Variants in ARSF observed in about 807,000 individuals in gnomAD.
ARSF encodes the protein arylsulfatase F.
ARSF carries 33 observed loss-of-function variants against 35.4 expected under a neutral mutation model. The observed-to-expected ratio is 0.93, with a 90% CI of 0.71 to 1.25. ARSF has a LOEUF of 1.25. Among genes scored for constraint, ARSF ranks in the 50% most tolerant of loss-of-function variants. ARSF has a pLI of 0.00. For missense variants in ARSF, 501 were observed against 480.2 expected, an observed-to-expected ratio of 1.04 and a Z score of -0.40; for synonymous variants, 222 against 193.1, an observed-to-expected ratio of 1.15 and a Z score of -1.24.
intron 7 of ARSF, among the ~76,000 whole-genome samples, chrX:3,094,756 C>G (rs924079295): frequency 3.6e-5 from 4 of 109,991 alleles, no homozygotes; most frequent in Non-Finnish European, 7.6e-5. Context: ...CAACCCTGGA[C>G]AGGGCAGAAC....
chrX:3,093,184 A>G (rs1387242281), intron 7 of ARSF, among the ~76,000 whole-genome samples: 1 of 112,275 alleles, frequency 8.9e-6, no homozygotes, highest in Non-Finnish European at 1.9e-5. Context: ...AAAAATTATC[A>G]TGGGTTTCCC....
intron 6 of ARSF, among the ~76,000 whole-genome samples, chrX:3,086,187 C>T (rs1267861215): frequency 1.8e-5 from 2 of 111,673 alleles, no homozygotes; most frequent in Non-Finnish European, 3.8e-5. Context: ...CAAATTAGCA[C>T]CAACCACTCT....
intron 1 of ARSF, among the ~76,000 whole-genome samples, chrX:3,049,881 A>G (rs911053504): frequency 3.8e-4 from 42 of 110,359 alleles, no homozygotes; most frequent in African/African-American, 9.2e-4. Context: ...TTTTTTTGAG[A>G]TGGAGTTTCG....
At chrX:3,094,044 A>G (rs754232236) in intron 7 of ARSF, among the ~76,000 whole-genome samples, 7 of 112,168 alleles carry the variant, frequency 6.2e-5, no homozygotes, top group Non-Finnish European at 1.1e-4. Flanking sequence ...CACCAACCTA[A>G]TAGTAGCCTT....
chrX:3,076,715 A>C, intron 4 of ARSF, 46 bp downstream of exon 4: 2 of 1,184,655 alleles, frequency 1.7e-6, no homozygotes, highest in Non-Finnish European at 2.3e-6. Flanking sequence ...TCATGTTAGG[A>C]TGTGAGGAAA....
At position 3,076,592 on chromosome X, in the gene ARSF, C is replaced by T. The variant is rs763477035; in HGVS notation, c.206C>T (p.Thr69Ile). The change falls in exon 4 of 11, where the codon ACT becomes ATT. Residue 69 changes from threonine (T) to isoleucine (I), a missense_variant. By Grantham distance (89) the Thr-to-Ile change is moderately conservative (BLOSUM62 -1). Transcript: ENST00000381127. The stretch of plus-strand genomic sequence containing the variant: ...CTTGCCAGGGAAGGCGTGCGACTGA[C>T]TCAGCACATCTCTGCCGCCTCCCTC... ...DRLAREGVRL[T>I]QHISAASLCS... The T allele has an allele frequency of 8.3e-7, 1 of 1,210,521 alleles. No individual in the cohort carries two copies. The highest frequency in any genetic ancestry group is 2.2e-5 in the Admixed American group (1 of 45,910).
chrX:3,099,386 T>C (rs1199216523), intron 7 of ARSF, among the ~76,000 whole-genome samples: 1 of 111,751 alleles, frequency 8.9e-6, no homozygotes, highest in Non-Finnish European at 1.9e-5. Flanking sequence ...TGGATTTTCT[T>C]GTTGTATCTG....
chrX:3,106,796 A>G (rs1409120464), intron 9 of ARSF, among the ~76,000 whole-genome samples: 1 of 112,025 alleles, frequency 8.9e-6, no homozygotes, highest in East Asian at 2.8e-4. Flanking sequence ...ATTAATGTGT[A>G]GAAACACGGG....
chrX:3,105,886 G>A (rs1435303321), intron 9 of ARSF, among the ~76,000 whole-genome samples: 1 of 112,284 alleles, frequency 8.9e-6, no homozygotes, highest in Non-Finnish European at 1.9e-5. Flanking sequence ...GAAGTCTGTC[G>A]TTCCACATAG....
chrX:3,104,834 T>A (rs1449860776), intron 9 of ARSF, among the ~76,000 whole-genome samples: 2 of 111,955 alleles, frequency 1.8e-5, no homozygotes, highest in Non-Finnish European at 3.8e-5. Flanking sequence ...ACATGGTAGG[T>A]AAAACTCACT....
intron 7 of ARSF, among the ~76,000 whole-genome samples, chrX:3,094,247 G>C (rs1222470604): frequency 2.7e-5 from 3 of 111,713 alleles, no homozygotes; most frequent in East Asian, 5.7e-4. Context: ...GATAAGCCAG[G>C]GTTGGGCTCC....
At position 3,101,334 on chromosome X, in the gene ARSF, T is replaced by C; in HGVS notation, c.1102+113T>C. On this transcript the variant is annotated intron_variant, in intron 8 of 10. Transcript: ENST00000381127. ...AGGCCTGAAAAACTGAACAAGTTTGTTTAATTTGACTCTTAGTAAAATGAA... is the reference window on the plus strand; with the variant it reads ...AGGCCTGAAAAACTGAACAAGTTTGCTTAATTTGACTCTTAGTAAAATGAA... The C allele has an allele frequency of 2.2e-6, 2 of 900,939 alleles. 1 individual carries two copies. The highest frequency in any genetic ancestry group is 3.0e-6 in the Non-Finnish European group (2 of 660,344). 74.2% of individuals were successfully genotyped at this position (900,939 alleles called of 1,213,427 possible).
chrX:3,084,763 TC>T, intron 6 of ARSF, 97 bp downstream of exon 6: 1 of 837,552 alleles, frequency 1.2e-6, no homozygotes, highest in Non-Finnish European at 1.6e-6. Flanking sequence ...TTTATAATAA[TC>T]TATTGTACAC....
At chrX:3,108,909 A>T (rs1223574686) in intron 9 of ARSF, among the ~76,000 whole-genome samples, 1 of 111,010 alleles carries the variant, frequency 9.0e-6, no homozygotes, top group Non-Finnish European at 1.9e-5. Flanking sequence ...GCAGCTACTC[A>T]GGAGGCTGAG....
At chrX:3,049,052 T>G (rs1319918579) in intron 1 of ARSF, among the ~76,000 whole-genome samples, 1 of 112,299 alleles carries the variant, frequency 8.9e-6, no homozygotes, top group Admixed American at 9.5e-5. Flanking sequence ...TAAATTTTTT[T>G]AAGAGGTTTA....
intron 1 of ARSF, among the ~76,000 whole-genome samples, chrX:3,064,769 G>A (rs1332505563): frequency 9.0e-6 from 1 of 111,695 alleles, no homozygotes; most frequent in East Asian, 2.8e-4. Context: ...TCTCACACCA[G>A]TTAGAATGGC....
chrX:3,074,909 T>G (rs2090135076), intron 3 of ARSF, among the ~76,000 whole-genome samples: 1 of 111,879 alleles, frequency 8.9e-6, no homozygotes, highest in Non-Finnish European at 1.9e-5. Context: ...CTGAGTTTGC[T>G]ATTTTAGATT....
chrX:3,058,895 T>C (rs762720338), intron 1 of ARSF, among the ~76,000 whole-genome samples: 1 of 111,656 alleles, frequency 9.0e-6, no homozygotes, highest in Non-Finnish European at 1.9e-5. Context: ...TAGTAAATTC[T>C]TTAGAAACCA....
chrX:3,041,061 A>G (rs1188973626), upstream of ARSF, among the ~76,000 whole-genome samples: 1 of 110,778 alleles, frequency 9.0e-6, no homozygotes, highest in Non-Finnish European at 1.9e-5. Context: ...ACTTGCAAGT[A>G]TTTGTGTAAG....
Sources: allele counts gnomAD v4.1 joint callset (sites outside exome capture counted in the v4.1 genomes callset), GRCh38; gene constraint gnomAD v4.1.1; transcripts MANE v1.5; gene names NCBI Gene and HGNC (gene_info 2026-07-23, HGNC 2026-07-21).